FCHSD2: variants seen among roughly 807,000 people sequenced by gnomAD.
The protein encoded by FCHSD2 is FCH and double SH3 domains 2.
FCHSD2 carries 38 observed loss-of-function variants against 108.1 expected under a neutral mutation model. That is an observed-to-expected ratio of 0.35 (90% confidence interval 0.27 to 0.46). The LOEUF is 0.46. Among genes scored for constraint, FCHSD2 ranks in the 20% least tolerant of loss-of-function variants. FCHSD2 has a pLI of 1.00. For synonymous variants in FCHSD2, 279 were observed against 314.7 expected (o/e 0.89, Z 1.20); for missense variants, 751 against 897.8 (o/e 0.84, Z 2.09).
At chr11:73,132,678 G>T (rs1861029756) in intron 2 of FCHSD2, among the ~76,000 whole-genome samples, 1 of 151,950 alleles carries the variant, frequency 6.6e-6, no homozygotes, top group Non-Finnish European at 1.5e-5. Flanking sequence ...ACAAAAATTA[G>T]CTGGGCATGG....
chr11:72,888,341 T>C (rs1322751090), intron 11 of FCHSD2, among the ~76,000 whole-genome samples: 1 of 152,170 alleles, frequency 6.6e-6, no homozygotes, highest in African/African-American at 2.4e-5. Context: ...AAGTGTCCAC[T>C]TGGAAGCTAG....
intron 2 of FCHSD2, among the ~76,000 whole-genome samples, chr11:73,110,041 T>C (rs1290836303): frequency 6.6e-6 from 1 of 152,248 alleles, no homozygotes. Flanking sequence ...TATATCTCAT[T>C]TGATCATGAT....
chr11:72,876,728 A>T (rs1047016812), intron 12 of FCHSD2, among the ~76,000 whole-genome samples: 3 of 152,028 alleles, frequency 2.0e-5, no homozygotes, highest in African/African-American at 7.2e-5. Context: ...CTGATTTTCT[A>T]TATTCTTGTT....
At chr11:72,872,406 C>T (rs1398018805) in intron 12 of FCHSD2, among the ~76,000 whole-genome samples, 1 of 151,240 alleles carries the variant, frequency 6.6e-6, no homozygotes, top group African/African-American at 2.4e-5. Flanking sequence ...AATATTTTAT[C>T]ACCTCCAAAA....
intron 3 of FCHSD2, among the ~76,000 whole-genome samples, chr11:73,032,390 AT>A (rs1858381696): frequency 6.6e-6 from 1 of 151,882 alleles, no homozygotes; most frequent in Admixed American, 6.6e-5. Flanking sequence ...TGCCTGGTTA[AT>A]TTTTTTAATT....
chr11:72,923,812 G>T (rs1458256287), intron 8 of FCHSD2, among the ~76,000 whole-genome samples: 3 of 152,108 alleles, frequency 2.0e-5, no homozygotes, highest in Non-Finnish European at 4.4e-5. Context: ...AGTGGCGTCT[G>T]CCTGTAATCC....
Position 72,947,110 on chromosome 11 carries a change from A to T in FCHSD2, c.706-25160T>A, listed in dbSNP as rs554683129. 2.8e-3 allele frequency among the ~76,000 whole-genome samples: 420 copies of T among 152,374 alleles called. 1 individual carries two copies. The highest frequency in any genetic ancestry group is 5.2e-3 in the Non-Finnish European group (352 of 68,032). ...GGAGTCACTCTGGTTTAACAGCTGC[A>T]TGCCCCATGGGGCCAACATCTCTTA... On this transcript the variant is annotated intron_variant, in intron 8 of 19. Coordinates refer to ENST00000409418, the MANE Select transcript of FCHSD2 (RefSeq NM_014824.3).
intron 1 of FCHSD2, among the ~76,000 whole-genome samples, chr11:73,140,558 T>A (rs781557622): frequency 2.0e-5 from 3 of 152,174 alleles, no homozygotes; most frequent in Non-Finnish European, 4.4e-5. Context: ...ATGACCAATA[T>A]TTACACAATC....
chr11:72,988,466 A>C (rs1857351235), intron 6 of FCHSD2, among the ~76,000 whole-genome samples: 1 of 152,218 alleles, frequency 6.6e-6, no homozygotes, highest in Non-Finnish European at 1.5e-5. Flanking sequence ...GTATATATAC[A>C]CTAGATTTTT....
chr11:73,140,401 T>C (rs1184804660), intron 1 of FCHSD2, among the ~76,000 whole-genome samples: 4 of 152,186 alleles, frequency 2.6e-5, no homozygotes, highest in African/African-American at 7.2e-5. Context: ...TTCCATTTCA[T>C]GCACAAGCTC....
At chr11:72,991,298 T>C (rs1293546307) in intron 5 of FCHSD2, among the ~76,000 whole-genome samples, 1 of 152,168 alleles carries the variant, frequency 6.6e-6, no homozygotes, top group Non-Finnish European at 1.5e-5. Flanking sequence ...GAGGAGCTGG[T>C]ACCATTCCTT....
In FCHSD2 at chr11:73,069,932, CAG is replaced by C. The variant is rs535061023; in HGVS notation, c.165+13761_165+13762del. Among the ~76,000 whole-genome samples the C allele has an allele frequency of 3.1e-3, 470 of 152,088 alleles. 1 individual carries two copies. The highest frequency in any genetic ancestry group is 0.011 in the African/African-American group (447 of 41,500). On this transcript the variant is annotated intron_variant, in intron 3 of 19. Transcript: ENST00000409418. ...AACAATAACTAAATATGTAAAAAAA[CAG>C]AGTCACAGAAAATTACATGAAGTAA...
intron 2 of FCHSD2, among the ~76,000 whole-genome samples, chr11:73,120,189 G>A (rs7124723): frequency 0.78 from 118,322 of 152,080 alleles, 46,200 homozygotes; most frequent in South Asian, 0.86. Context: ...TGGGAATTCA[G>A]GATGAGATTT....
intron 6 of FCHSD2, among the ~76,000 whole-genome samples, chr11:72,987,975 T>A (rs1857341389): frequency 6.6e-6 from 1 of 152,218 alleles, no homozygotes; most frequent in African/African-American, 2.4e-5. Context: ...ATATTAAATG[T>A]GTTTTCCTGT....
intron 5 of FCHSD2, among the ~76,000 whole-genome samples, chr11:72,996,435 G>A (rs551396748): frequency 3.3e-5 from 5 of 152,184 alleles, no homozygotes; most frequent in East Asian, 1.9e-4. Flanking sequence ...TGAAAGATAC[G>A]GACAAAAGTA....
chr11:72,896,792 A>G (rs1855428614), intron 10 of FCHSD2, among the ~76,000 whole-genome samples: 1 of 140,220 alleles, frequency 7.1e-6, no homozygotes, highest in African/African-American at 2.6e-5. Flanking sequence ...AAAAAAAAAG[A>G]AAGAAATATG....
chr11:73,118,538 C>T (rs1860657961), intron 2 of FCHSD2, among the ~76,000 whole-genome samples: 2 of 152,166 alleles, frequency 1.3e-5, no homozygotes, highest in Admixed American at 1.3e-4. Context: ...AATTCTTTCA[C>T]TAAGAATGTT....
chr11:72,882,006 G>A (rs1282099874), intron 12 of FCHSD2, among the ~76,000 whole-genome samples: 2 of 152,178 alleles, frequency 1.3e-5, no homozygotes, highest in African/African-American at 4.8e-5. Context: ...TTAGCTGGGT[G>A]TGGTGGCGGG....
intron 5 of FCHSD2, among the ~76,000 whole-genome samples, chr11:72,989,898 C>T (rs1408224612): frequency 1.3e-5 from 2 of 152,008 alleles, no homozygotes; most frequent in African/African-American, 2.4e-5. Flanking sequence ...CTGGCAAAAG[C>T]TCAGCAAAGC....
Sources: gnomAD v4.1 joint callset for allele counts (sites outside exome capture counted in the v4.1 genomes callset) on GRCh38, gnomAD v4.1.1 for gene constraint, MANE v1.5 for transcripts, NCBI Gene and HGNC (gene_info 2026-07-23, HGNC 2026-07-21) for gene names.